Variants in UBE2R2 observed in about 807,000 individuals in gnomAD.
UBE2R2 encodes the protein ubiquitin conjugating enzyme E2 R2, also known as ubiquitin-conjugating enzyme E2 R2.
A neutral mutation model predicts 27.8 loss-of-function variants in UBE2R2; 1 was observed. The observed-to-expected ratio is 0.04, with a 90% CI of 0.01 to 0.17. UBE2R2 has a LOEUF of 0.17. Ranked by LOEUF, UBE2R2 falls within the 10% of genes least tolerant of loss-of-function variation. The pLI is 1.00. For missense variants in UBE2R2, 100 were observed against 291.0 expected (o/e 0.34, Z 4.78); for synonymous variants, 106 against 113.3 (o/e 0.94, Z 0.41).
intron 1 of UBE2R2, among the ~76,000 whole-genome samples, chr9:33,871,452 A>G (rs892631390): frequency 1.3e-5 from 2 of 152,218 alleles, no homozygotes; most frequent in African/African-American, 4.8e-5. Flanking sequence ...ATTAATTTAA[A>G]TAGGATATGC....
chr9:33,818,369 G>T (rs1341648183), intron 1 of UBE2R2, among the ~76,000 whole-genome samples: 3 of 143,160 alleles, frequency 2.1e-5, no homozygotes, highest in Admixed American at 1.4e-4. Context: ...CTTTTTTGGG[G>T]GGTGGGGGTG....
At chr9:33,906,138 T>TG (rs1554677230) in intron 3 of UBE2R2, among the ~76,000 whole-genome samples, 1 of 151,408 alleles carries the variant, frequency 6.6e-6, no homozygotes, top group Non-Finnish European at 1.5e-5. Context: ...TTGTTGTTGT[T>TG]TTGAAATGGA....
rs1469304748 is a variant in UBE2R2 at position 33,817,597 on chromosome 9, A to G, written c.-161A>G. 4 of 844,826 alleles carry G rather than the reference A, an allele frequency of 4.7e-6. No homozygotes were observed. In the African/African-American group the frequency reaches 5.5e-5, roughly 12 times the overall value. The allele number at this position is 844,826 out of a possible 1,614,324, so 52.3% of individuals were successfully genotyped here. A position where few individuals can be genotyped will look rare whatever the true frequency, so the allele number is the denominator to read the frequency against. On this transcript the variant is annotated 5_prime_UTR_variant, in exon 1 of 5. Transcript: ENST00000263228. Reference sequence around the variant, plus strand: ...TGTGAGGAGGACCCCGGGCGGGCCCACGGGCCGTGTGGGGCCTGGTCTGGC... The same window carrying G: ...TGTGAGGAGGACCCCGGGCGGGCCCGCGGGCCGTGTGGGGCCTGGTCTGGC...
chr9:33,823,647 A>G lies in UBE2R2; in HGVS notation c.177+5713A>G, dbSNP rs534089216. ...CGCCTTGGCCTCCCAAAGTGCTGGG[A>G]TTACAGGCATGAGCCACCGCGCCTG... is the stretch of plus-strand genomic sequence containing the variant. On this transcript the variant is annotated intron_variant, in intron 1 of 4. Coordinates refer to ENST00000263228, the MANE Select transcript of UBE2R2 (RefSeq NM_017811.4). Among the ~76,000 whole-genome samples, 4 of 152,362 alleles carry G rather than the reference A, an allele frequency of 2.6e-5. No homozygotes were observed. In the East Asian group the frequency reaches 7.7e-4, roughly 29 times the overall value.
At chr9:33,877,459 A>T (rs1196518233) in intron 1 of UBE2R2, among the ~76,000 whole-genome samples, 1 of 151,526 alleles carries the variant, frequency 6.6e-6, no homozygotes, top group East Asian at 2.0e-4. Flanking sequence ...TGGGATTACA[A>T]GCGTGATGAA....
intron 2 of UBE2R2, among the ~76,000 whole-genome samples, chr9:33,890,638 C>T (rs147922030): frequency 5.9e-4 from 90 of 151,956 alleles, no homozygotes; most frequent in African/African-American, 1.9e-3. Context: ...GGTGGAACTC[C>T]GTCTCCACTA....
intron 3 of UBE2R2, among the ~76,000 whole-genome samples, chr9:33,909,794 T>C (rs1822445001): frequency 6.6e-6 from 1 of 152,226 alleles, no homozygotes; most frequent in Non-Finnish European, 1.5e-5. Flanking sequence ...GGAGTTATCC[T>C]TAACCTAATA....
At chr9:33,877,332 G>A (rs958002693) in intron 1 of UBE2R2, among the ~76,000 whole-genome samples, 9 of 151,614 alleles carry the variant, frequency 5.9e-5, no homozygotes, top group African/African-American at 1.7e-4. Context: ...CTGGTGCCCG[G>A]CACCCATGCC....
rs1020305406 is a variant in UBE2R2, at chr9:33,817,611, G to A, written c.-147G>A. On this transcript the variant is annotated 5_prime_UTR_variant, in exon 1 of 5. Transcript: ENST00000263228. ...CGGGCGGGCCCACGGGCCGTGTGGG[G>A]CCTGGTCTGGCCCGCCGGGTGTGTG... 12 of 985,464 alleles carry A rather than the reference G, an allele frequency of 1.2e-5. No homozygotes were observed. In the African/African-American group the frequency reaches 1.7e-4, roughly 14 times the overall value. 61.0% of individuals were successfully genotyped at this position (985,464 alleles called of 1,614,324 possible). A position where few individuals can be genotyped will look rare whatever the true frequency, so the allele number is the denominator to read the frequency against.
At chr9:33,818,070 C>G in intron 1 of UBE2R2, 136 bp downstream of exon 1, 5 of 1,038,216 alleles carry the variant, frequency 4.8e-6, no homozygotes, top group Non-Finnish European at 6.6e-6. Context: ...GCCCCCTCCC[C>G]CATCCCTGGA....
chr9:33,894,740 T>A (rs1382354421), intron 2 of UBE2R2, among the ~76,000 whole-genome samples: 1 of 152,116 alleles, frequency 6.6e-6, no homozygotes, highest in Non-Finnish European at 1.5e-5. Flanking sequence ...ATAAAAAAAA[T>A]TTTAAAATTG....
At chr9:33,831,922 A>T (rs192448320) in intron 1 of UBE2R2, among the ~76,000 whole-genome samples, 1 of 150,098 alleles carries the variant, frequency 6.7e-6, no homozygotes, top group Non-Finnish European at 1.5e-5. Flanking sequence ...CAGCCTCCCA[A>T]AGTGCTGGGA....
intron 1 of UBE2R2, among the ~76,000 whole-genome samples, chr9:33,869,777 T>C (rs1274482254): frequency 6.6e-6 from 1 of 152,154 alleles, no homozygotes; most frequent in Non-Finnish European, 1.5e-5. Context: ...AATGACTTTT[T>C]GCTTATGCAT....
chr9:33,856,846 C>T (rs931466503), intron 1 of UBE2R2, among the ~76,000 whole-genome samples: 5 of 150,526 alleles, frequency 3.3e-5, no homozygotes, highest in African/African-American at 1.2e-4. Flanking sequence ...TCCGTCCTTC[C>T]ATCCATCCAT....
At chr9:33,870,743 T>G (rs1384189453) in intron 1 of UBE2R2, among the ~76,000 whole-genome samples, 2 of 152,206 alleles carry the variant, frequency 1.3e-5, no homozygotes, top group Admixed American at 1.3e-4. Context: ...ACTGTTAATT[T>G]CACAACTGAG....
intron 1 of UBE2R2, among the ~76,000 whole-genome samples, chr9:33,839,200 G>C (rs896125809): frequency 1.1e-4 from 17 of 152,070 alleles, no homozygotes; most frequent in African/African-American, 2.7e-4. Context: ...TGATTACGTC[G>C]TGAGGGCTCT....
chr9:33,822,914 T>C (rs1195871434), intron 1 of UBE2R2, among the ~76,000 whole-genome samples: 6 of 149,568 alleles, frequency 4.0e-5, no homozygotes, highest in African/African-American at 1.5e-4. Context: ...TAATTTTTTT[T>C]TTTTTTTTTT....
At position 33,916,994 on chromosome 9, in the gene UBE2R2, A is replaced by G. The variant is rs1379440909; in HGVS notation, c.498-24A>G. 3 of 1,613,424 alleles carry G rather than the reference A, an allele frequency of 1.9e-6. 1 individual carries two copies. In the South Asian group the frequency reaches 3.3e-5, roughly 18 times the overall value. On this transcript the variant is annotated intron_variant, in intron 4 of 4. Coordinates refer to ENST00000263228, the MANE Select transcript of UBE2R2 (RefSeq NM_017811.4). ...CTTAAAAAAAGACTTACCGTAAACC[A>G]TTTCTGTGTCAACCTCCCTTCAGGA...
At chr9:33,873,863 G>A (rs1041768653) in intron 1 of UBE2R2, among the ~76,000 whole-genome samples, 7 of 151,944 alleles carry the variant, frequency 4.6e-5, no homozygotes, top group Non-Finnish European at 7.4e-5. Context: ...GGCTGAACTT[G>A]AACTTCTGGG....
Sources: allele counts gnomAD v4.1 joint callset (sites outside exome capture counted in the v4.1 genomes callset), GRCh38; gene constraint gnomAD v4.1.1; transcripts MANE v1.5; gene names NCBI Gene and HGNC (gene_info 2026-07-23, HGNC 2026-07-21).